CCSER1: variants seen among roughly 807,000 people sequenced by gnomAD.
CCSER1 encodes the protein coiled-coil serine rich protein 1.
CCSER1 carries 41 observed loss-of-function variants against 82.0 expected under a neutral mutation model. The ratio of observed to expected loss-of-function variants is 0.50; its 90% CI spans 0.39 to 0.65. The LOEUF (loss-of-function observed/expected upper bound fraction) is 0.65, where lower values mean the gene tolerates loss of function less well. Ranked by LOEUF, CCSER1 falls within the 30% of genes least tolerant of loss-of-function variation. The probability of loss-of-function intolerance (pLI) is 0.00; values close to 1 mark genes in which losing one functional copy is unlikely to be tolerated. For synonymous variants in CCSER1, 414 were observed against 383.9 expected (o/e 1.08, Z -0.92); for missense variants, 1,119 against 1,064.2 (o/e 1.05, Z -0.72).
At chr4:90,640,686 G>A (rs2148981873) in intron 6 of CCSER1, among the ~76,000 whole-genome samples, 1 of 152,196 alleles carries the variant, frequency 6.6e-6, no homozygotes, top group South Asian at 2.1e-4. Context: ...TTTCTCCCAT[G>A]CTGTTCTTGT....
At chr4:90,415,047 C>G (rs1434997943) in intron 4 of CCSER1, among the ~76,000 whole-genome samples, 1 of 152,038 alleles carries the variant, frequency 6.6e-6, no homozygotes, top group Admixed American at 6.6e-5. Flanking sequence ...AAAAAGTTTA[C>G]TAGTGTTATG....
chr4:91,165,898 G>T (rs12508962), intron 10 of CCSER1, among the ~76,000 whole-genome samples: 109,183 of 151,686 alleles, frequency 0.72, 39,630 homozygotes, highest in Non-Finnish European at 0.78. Flanking sequence ...GGGAGAGGTG[G>T]TATCCTGCCC....
At chr4:90,610,080 C>T (rs1490743329) in intron 5 of CCSER1, among the ~76,000 whole-genome samples, 1 of 151,860 alleles carries the variant, frequency 6.6e-6, no homozygotes, top group Non-Finnish European at 1.5e-5. Context: ...GGTGAAACCC[C>T]GTCTCCACTA....
intron 1 of CCSER1, among the ~76,000 whole-genome samples, chr4:90,170,601 A>G (rs1731474843): frequency 6.6e-6 from 1 of 151,746 alleles, no homozygotes; most frequent in African/African-American, 2.4e-5. Context: ...AGCACCCACA[A>G]ATAGATGAGA....
intron 10 of CCSER1, among the ~76,000 whole-genome samples, chr4:91,290,980 A>G (rs893733545): frequency 6.6e-6 from 1 of 151,762 alleles, no homozygotes; most frequent in African/African-American, 2.4e-5. Flanking sequence ...ACCATTTTTA[A>G]TAATTAGGAA....
chr4:90,303,276 T>C (rs1235732929), intron 1 of CCSER1, among the ~76,000 whole-genome samples: 1 of 152,206 alleles, frequency 6.6e-6, no homozygotes, highest in Non-Finnish European at 1.5e-5. Flanking sequence ...CCAATGACTT[T>C]CTTTACAGAA....
At chr4:90,537,040 T>A (rs1775482478) in intron 5 of CCSER1, among the ~76,000 whole-genome samples, 1 of 152,200 alleles carries the variant, frequency 6.6e-6, no homozygotes, top group African/African-American at 2.4e-5. Context: ...CGGGAGGCCT[T>A]GATGATTTTA....
At chr4:91,188,505 A>G (rs953269520) in intron 10 of CCSER1, among the ~76,000 whole-genome samples, 7 of 152,200 alleles carry the variant, frequency 4.6e-5, no homozygotes, top group African/African-American at 1.7e-4. Flanking sequence ...ACCTCTTACA[A>G]TTATTACACA....
At chr4:90,483,424 C>T (rs1419241480) in intron 5 of CCSER1, among the ~76,000 whole-genome samples, 1 of 152,038 alleles carries the variant, frequency 6.6e-6, no homozygotes, top group Non-Finnish European at 1.5e-5. Context: ...TATGATGTTA[C>T]CTGATTGTTT....
At chr4:91,373,233 A>T (rs549924003) in intron 10 of CCSER1, among the ~76,000 whole-genome samples, 1 of 152,156 alleles carries the variant, frequency 6.6e-6, no homozygotes, top group Non-Finnish European at 1.5e-5. Context: ...ATGATACAGG[A>T]TATGCAATTA....
intron 10 of CCSER1, among the ~76,000 whole-genome samples, chr4:91,355,148 A>G (rs1578251433): frequency 6.6e-6 from 1 of 152,098 alleles, no homozygotes; most frequent in Non-Finnish European, 1.5e-5. Context: ...AGCCTAAATG[A>G]CACAAGACCA....
intron 10 of CCSER1, among the ~76,000 whole-genome samples, chr4:91,557,830 C>T (rs1054294616): frequency 1.3e-5 from 2 of 151,220 alleles, no homozygotes; most frequent in Non-Finnish European, 3.0e-5. Context: ...TTAATATTTT[C>T]CTATAGGGAA....
chr4:90,533,573 A>C (rs1346358590), intron 5 of CCSER1, among the ~76,000 whole-genome samples: 3 of 152,212 alleles, frequency 2.0e-5, no homozygotes, highest in Non-Finnish European at 4.4e-5. Context: ...GGTTTTTTAG[A>C]GCTCATAACG....
intron 10 of CCSER1, among the ~76,000 whole-genome samples, chr4:91,360,424 CA>C (rs139430791): frequency 0.28 from 42,049 of 150,582 alleles, 6,618 homozygotes; most frequent in Middle Eastern, 0.43. Context: ...CTTCAAATGT[CA>C]AAAAAAAATT....
chr4:90,971,367 C>T (rs938283719), intron 9 of CCSER1, among the ~76,000 whole-genome samples: 1 of 151,922 alleles, frequency 6.6e-6, no homozygotes, highest in Non-Finnish European at 1.5e-5. Flanking sequence ...TGAGAACTCA[C>T]TCACTATCAC....
intron 1 of CCSER1, among the ~76,000 whole-genome samples, chr4:90,179,368 G>T (rs1394948323): frequency 2.6e-5 from 4 of 152,128 alleles, no homozygotes; most frequent in African/African-American, 9.7e-5. Context: ...ACATGTGCAA[G>T]ATATTTTCCG....
chr4:90,986,779 T>C (rs1581265179), intron 9 of CCSER1, among the ~76,000 whole-genome samples: 1 of 151,776 alleles, frequency 6.6e-6, no homozygotes, highest in South Asian at 2.1e-4. Flanking sequence ...CCATAAATCA[T>C]TGGCATGATT....
At chr4:90,931,555 G>A (rs532086259) in intron 9 of CCSER1, among the ~76,000 whole-genome samples, 15 of 152,096 alleles carry the variant, frequency 9.9e-5, no homozygotes, top group South Asian at 4.2e-4. Context: ...AATTTTTTCC[G>A]TAACATAGAA....
intron 10 of CCSER1, among the ~76,000 whole-genome samples, chr4:91,549,214 C>A (rs932602989): frequency 6.6e-6 from 1 of 151,918 alleles, no homozygotes; most frequent in Non-Finnish European, 1.5e-5. Flanking sequence ...CTTTTTTATT[C>A]TTTCTTTAGA....
Sources: gnomAD v4.1 joint callset for allele counts (sites outside exome capture counted in the v4.1 genomes callset) on GRCh38, gnomAD v4.1.1 for gene constraint, MANE v1.5 for transcripts, NCBI Gene and HGNC (gene_info 2026-07-23, HGNC 2026-07-21) for gene names.